Variants in SLC39A11 observed in about 807,000 individuals in gnomAD.
SLC39A11 encodes zinc transporter ZIP11.
SLC39A11 carries 33 observed loss-of-function variants against 36.1 expected under a neutral mutation model. That is an observed-to-expected ratio of 0.91 (90% CI 0.69 to 1.22). The LOEUF (loss-of-function observed/expected upper bound fraction) is 1.22. Ranked by LOEUF, SLC39A11 falls within the 50% of genes most tolerant of loss-of-function variation. SLC39A11 has a pLI of 0.00. For synonymous variants in SLC39A11, 166 were observed against 170.3 expected (o/e 0.97, Z 0.20); for missense variants, 432 against 430.3 (o/e 1.00, Z -0.03).
chr17:72,849,628 C>A lies in SLC39A11; in HGVS notation c.601+6G>T, dbSNP rs770674217. ...GTGGCTGTCACGCTCACGGGCAAGACCTCACCTGGAACGTTGTGTATAGTG... is the reference window on the plus strand; with the variant it reads ...GTGGCTGTCACGCTCACGGGCAAGAACTCACCTGGAACGTTGTGTATAGTG... On this transcript the variant is annotated splice_donor_region_variant and intron_variant, in intron 6 of 9. Coordinates refer to ENST00000255559, the MANE Select transcript of SLC39A11 (RefSeq NM_139177.4). 7 of 1,493,386 alleles carry A rather than the reference C, an allele frequency of 4.7e-6. No individual in the cohort carries two copies. The highest frequency in any genetic ancestry group is 2.5e-5 in the East Asian group (1 of 40,684). The allele number at this position is 1,493,386 out of a possible 1,614,324, so 92.5% of individuals were successfully genotyped here.
At chr17:72,998,466 T>C (rs908843140) in intron 4 of SLC39A11, among the ~76,000 whole-genome samples, 1 of 152,188 alleles carries the variant, frequency 6.6e-6, no homozygotes, top group African/African-American at 2.4e-5. Flanking sequence ...ACCTCCATTA[T>C]AGACAGTAAT....
chr17:73,062,475 A>AAAAAAAAAACAAAAAAAC (rs56021607), intron 3 of SLC39A11, among the ~76,000 whole-genome samples: 2 of 87,046 alleles, frequency 2.3e-5, no homozygotes, highest in Non-Finnish European at 4.3e-5. Context: ...AAAAAAAAAA[A>AAAAAAAAAACAAAAAAAC]AAACTTTAGG....
chr17:72,824,758 C>T (rs72847916), intron 6 of SLC39A11, among the ~76,000 whole-genome samples: 6,887 of 151,232 alleles, frequency 0.046, 530 homozygotes, highest in Non-Finnish European at 0.07. Flanking sequence ...TGGGCCCCTG[C>T]TCTCGTGACC....
At chr17:72,778,708 T>C (rs2076212549) in intron 6 of SLC39A11, among the ~76,000 whole-genome samples, 1 of 152,246 alleles carries the variant, frequency 6.6e-6, no homozygotes, top group Non-Finnish European at 1.5e-5. Context: ...TCATTGATTT[T>C]ATGTCTGATT....
intron 7 of SLC39A11, among the ~76,000 whole-genome samples, chr17:72,709,561 A>G (rs879311595): frequency 6.6e-6 from 1 of 152,222 alleles, no homozygotes; most frequent in Non-Finnish European, 1.5e-5. Flanking sequence ...TTAAAACTTG[A>G]TAAAGAAAAA....
At chr17:72,756,909 G>A (rs1376662065) in intron 6 of SLC39A11, among the ~76,000 whole-genome samples, 1 of 151,930 alleles carries the variant, frequency 6.6e-6, no homozygotes, top group Non-Finnish European at 1.5e-5. Context: ...CAGCACTTTG[G>A]GAGACCGAGG....
chr17:72,896,460 C>T (rs572633448), intron 5 of SLC39A11, among the ~76,000 whole-genome samples: 22 of 151,964 alleles, frequency 1.4e-4, no homozygotes, highest in African/African-American at 4.8e-4. Flanking sequence ...CCTCAGCCTC[C>T]GAAAGTGCTG....
intron 7 of SLC39A11, among the ~76,000 whole-genome samples, chr17:72,715,648 G>A (rs1417225016): frequency 6.6e-6 from 1 of 152,168 alleles, no homozygotes. Context: ...GGGGAGATAA[G>A]GAATGGGGAG....
At chr17:72,766,433 G>C (rs1392809692) in intron 6 of SLC39A11, among the ~76,000 whole-genome samples, 1 of 152,166 alleles carries the variant, frequency 6.6e-6, no homozygotes, top group Non-Finnish European at 1.5e-5. Flanking sequence ...CCTATACACA[G>C]GAGAAAGTTA....
chr17:73,018,012 G>T (rs1419843752), intron 4 of SLC39A11, among the ~76,000 whole-genome samples: 1 of 152,140 alleles, frequency 6.6e-6, no homozygotes, highest in South Asian at 2.1e-4. Flanking sequence ...AAATCTCACT[G>T]TACACCCCAG....
chr17:72,995,620 G>C (rs1474899706), intron 4 of SLC39A11, among the ~76,000 whole-genome samples: 1 of 152,212 alleles, frequency 6.6e-6, no homozygotes, highest in Non-Finnish European at 1.5e-5. Flanking sequence ...GAAGAACCAT[G>C]AATTCACTCT....
intron 4 of SLC39A11, among the ~76,000 whole-genome samples, chr17:73,008,526 C>T (rs893821488): frequency 1.1e-4 from 16 of 152,200 alleles, no homozygotes; most frequent in African/African-American, 3.4e-4. Flanking sequence ...GAGCCACCAG[C>T]CTGGCTGCCC....
chr17:72,742,594 G>C (rs1208145109), intron 6 of SLC39A11, among the ~76,000 whole-genome samples: 1 of 152,108 alleles, frequency 6.6e-6, no homozygotes. Context: ...CCCTCCCTTT[G>C]AGAAAATTCA....
Position 72,964,598 on chromosome 17 carries a change from T to G in SLC39A11, c.307-16723A>C, listed in dbSNP as rs562477052. On this transcript the variant is annotated intron_variant, in intron 4 of 9. Coordinates refer to ENST00000255559, the MANE Select transcript of SLC39A11 (RefSeq NM_139177.4). ...GGGCGTGACACTCAATGTTCTGAGG[T>G]AAGTGCTAGTGTGAGATACTTGGCC... Among the ~76,000 whole-genome samples the G allele has an allele frequency of 6.6e-5, 10 of 152,326 alleles. No homozygotes were observed. In the South Asian group the frequency reaches 2.1e-3, roughly 32 times the overall value.
At chr17:72,755,407 C>T (rs2075335013) in intron 6 of SLC39A11, among the ~76,000 whole-genome samples, 1 of 152,194 alleles carries the variant, frequency 6.6e-6, no homozygotes, top group Admixed American at 6.5e-5. Flanking sequence ...GCAACAGTGT[C>T]TTTAAAACCC....
At chr17:72,733,438 T>C (rs1051743766) in intron 7 of SLC39A11, among the ~76,000 whole-genome samples, 2 of 152,054 alleles carry the variant, frequency 1.3e-5, no homozygotes, top group African/African-American at 4.8e-5. Context: ...AAAGAACGGG[T>C]GCATGAATGA....
intron 6 of SLC39A11, among the ~76,000 whole-genome samples, chr17:72,738,339 C>T (rs1408616148): frequency 1.3e-5 from 2 of 152,154 alleles, no homozygotes. Flanking sequence ...CTTTGAAGAA[C>T]ATTCCAGCTT....
intron 6 of SLC39A11, among the ~76,000 whole-genome samples, chr17:72,756,931 C>T (rs568221952): frequency 5.4e-5 from 8 of 149,274 alleles, no homozygotes; most frequent in South Asian, 2.1e-4. Flanking sequence ...AGGTGGATCA[C>T]GAGGTCAGGA....
chr17:72,854,645 GA>G (rs1210863806), intron 5 of SLC39A11, among the ~76,000 whole-genome samples: 1 of 151,642 alleles, frequency 6.6e-6, no homozygotes, highest in African/African-American at 2.4e-5. Flanking sequence ...TTGTTGTTAG[GA>G]AAAAAAAGTT....
Sources: gnomAD v4.1 joint callset for allele counts (sites outside exome capture counted in the v4.1 genomes callset) on GRCh38, gnomAD v4.1.1 for gene constraint, MANE v1.5 for transcripts, NCBI Gene and HGNC (gene_info 2026-07-23, HGNC 2026-07-21) for gene names.